Variants in METTL24 observed in about 807,000 individuals in gnomAD.
The protein encoded by METTL24 is methyltransferase like 24.
METTL24 carries 29 observed loss-of-function variants against 32.7 expected under a neutral mutation model. The observed-to-expected ratio is 0.89, with a 90% CI of 0.66 to 1.21. The LOEUF (loss-of-function observed/expected upper bound fraction) is 1.21, where lower values mean the gene tolerates loss of function less well. Ranked by LOEUF, METTL24 falls within the 50% of genes most tolerant of loss-of-function variation. The pLI, the probability that METTL24 is intolerant of heterozygous loss-of-function variation, is 0.00. For synonymous variants in METTL24, 163 were observed against 179.5 expected, an observed-to-expected ratio of 0.91 and a Z score of 0.73; for missense variants, 439 against 468.1, an observed-to-expected ratio of 0.94 and a Z score of 0.57.
At chr6:110,332,961 A>C (rs1772135373) in intron 1 of METTL24, among the ~76,000 whole-genome samples, 1 of 151,874 alleles carries the variant, frequency 6.6e-6, no homozygotes, top group Non-Finnish European at 1.5e-5. Context: ...ATTTAGAAAA[A>C]CACTAACCAT....
At chr6:110,307,005 T>G (rs61196428) in intron 3 of METTL24, among the ~76,000 whole-genome samples, 5,499 of 152,236 alleles carry the variant, frequency 0.036, 325 homozygotes, top group African/African-American at 0.13. Flanking sequence ...AAGTCCGCAG[T>G]GCTGAATAGA....
chr6:110,313,152 T>C (rs1413300913), intron 3 of METTL24, among the ~76,000 whole-genome samples: 2 of 152,226 alleles, frequency 1.3e-5, no homozygotes, highest in Non-Finnish European at 2.9e-5. Context: ...AGTTCTAATA[T>C]TCGAAAGCAG....
At chr6:110,276,782 T>G (rs1398148444) in intron 4 of METTL24, among the ~76,000 whole-genome samples, 1 of 151,716 alleles carries the variant, frequency 6.6e-6, no homozygotes, top group Non-Finnish European at 1.5e-5. Flanking sequence ...AAAATTGCAA[T>G]CACTCAGTAT....
chr6:110,252,681 C>T (rs539510697), intron 4 of METTL24, among the ~76,000 whole-genome samples: 1 of 152,278 alleles, frequency 6.6e-6, no homozygotes, highest in South Asian at 2.1e-4. Context: ...CTGGTTTTAG[C>T]TAGTAAAAGT....
rs1410101582 is a variant in METTL24 at position 110,245,806 on chromosome 6, T to G, written c.*140A>C. ...CCCCATCACATGCCAAGCACTAGGCTGCATGCCCGCAATAACACACTCCCT... is the reference window on the plus strand; with the variant it reads ...CCCCATCACATGCCAAGCACTAGGCGGCATGCCCGCAATAACACACTCCCT... On this transcript the variant is annotated 3_prime_UTR_variant, in exon 5 of 5. Coordinates refer to ENST00000338882, the MANE Select transcript of METTL24 (RefSeq NM_001123364.3). 2 of 779,720 alleles carry G rather than the reference T, an allele frequency of 2.6e-6. No homozygotes were observed. Among genetic ancestry groups the G allele is most frequent in the South Asian group, 3.4e-5 (2 of 58,702 alleles). The allele number at this position is 779,720 out of a possible 1,614,324, so 48.3% of individuals were successfully genotyped here.
intron 4 of METTL24, among the ~76,000 whole-genome samples, chr6:110,255,898 C>T (rs1476128854): frequency 4.0e-5 from 6 of 151,426 alleles, no homozygotes; most frequent in Non-Finnish European, 8.8e-5. Flanking sequence ...ATGCTGGAGC[C>T]AGTAATGTGA....
intron 1 of METTL24, among the ~76,000 whole-genome samples, chr6:110,334,609 G>A (rs1772175743): frequency 6.6e-6 from 1 of 152,182 alleles, no homozygotes; most frequent in East Asian, 1.9e-4. Flanking sequence ...TGGGGGATGG[G>A]GGAGAGCAAA....
chr6:110,322,845 G>C lies in METTL24; in HGVS notation c.346C>G (p.Pro116Ala). ...KGPRWHIDLQ[P>A]WAGSAQSLDE... is the part of the protein sequence containing the mutation. ...AGGGACTGAGCAGAGCCTGCCCAAG[G>C]CTGGAGATCTATATGCCACCGGGGA... Residue 116 changes from proline to alanine, a missense_variant, in exon 2 of 5, where the codon CCT (proline) becomes GCT (alanine). By Grantham distance (27) the Pro-to-Ala change is conservative. Transcript: ENST00000338882. 6.2e-7 allele frequency: 1 copy of C among 1,613,868 alleles called. No individual in the cohort carries two copies. Among genetic ancestry groups the C allele is most frequent in the Non-Finnish European group, 8.5e-7 (1 of 1,179,866 alleles).
At position 110,358,108 on chromosome 6, in the gene METTL24, C is replaced by G. The variant is rs1174483924; in HGVS notation, c.165G>C (p.Gly55=). The change falls in exon 1 of 5, where the codon GGG becomes GGC. Residue 55 remains glycine, a synonymous_variant. Coordinates refer to ENST00000338882, the MANE Select transcript of METTL24 (RefSeq NM_001123364.3). The part of the protein sequence containing the change: ...APPGPAWRPP[G]PHLPPAPGQP... ...GGCCCGGCGCGGGCGGCAGGTGCGG[C>G]CCAGGTGGCCGCCAGGCCGGGCCCG... is the stretch of plus-strand genomic sequence containing the variant. 9.7e-7 allele frequency: 1 copy of G among 1,026,962 alleles called. No homozygotes were observed. The highest frequency in any genetic ancestry group is 1.2e-6 in the Non-Finnish European group (1 of 858,394). 63.6% of individuals were successfully genotyped at this position (1,026,962 alleles called of 1,614,324 possible).
intron 1 of METTL24, among the ~76,000 whole-genome samples, chr6:110,336,522 C>G (rs183704807): frequency 1.1e-4 from 16 of 151,964 alleles, no homozygotes; most frequent in African/African-American, 2.9e-4. Context: ...GGGCGGATCA[C>G]GAGGTCAGGA....
chr6:110,296,440 C>T (rs1170579239), intron 4 of METTL24, among the ~76,000 whole-genome samples: 1 of 152,248 alleles, frequency 6.6e-6, no homozygotes, highest in Non-Finnish European at 1.5e-5. Flanking sequence ...TTCTAATCCA[C>T]ATGGTTTTGC....
chr6:110,312,767 C>T (rs924627570), intron 3 of METTL24, among the ~76,000 whole-genome samples: 2 of 152,086 alleles, frequency 1.3e-5, no homozygotes, highest in Non-Finnish European at 2.9e-5. Context: ...AAAGTGTTAC[C>T]GGTGCAGGGG....
chr6:110,280,053 C>T (rs1771111015), intron 4 of METTL24, among the ~76,000 whole-genome samples: 1 of 152,086 alleles, frequency 6.6e-6, no homozygotes, highest in Non-Finnish European at 1.5e-5. Context: ...GACCAGATCT[C>T]ATGAGAACTC....
chr6:110,298,034 C>T lies in METTL24; in HGVS notation c.786+888G>A, dbSNP rs906416567. Among the ~76,000 whole-genome samples the T allele has an allele frequency of 2.6e-5, 4 of 152,010 alleles. No individual in the cohort carries two copies. The East Asian group carries it at 5.8e-4, about 22-fold the overall frequency. On this transcript the variant is annotated intron_variant, in intron 4 of 4. Transcript: ENST00000338882. Reference sequence around the variant, plus strand: ...AGGAAGAGGGGAGGAGGAGGAGGAACGGCAATGCAGGGAAAAGCTTCTTAC... The same window carrying T: ...AGGAAGAGGGGAGGAGGAGGAGGAATGGCAATGCAGGGAAAAGCTTCTTAC...
chr6:110,314,932 G>A (rs1291962099), intron 3 of METTL24, among the ~76,000 whole-genome samples: 1 of 152,114 alleles, frequency 6.6e-6, no homozygotes, highest in African/African-American at 2.4e-5. Context: ...CCACTGCACT[G>A]CAGCCTGGGC....
At chr6:110,320,575 C>T (rs545133281) in intron 2 of METTL24, among the ~76,000 whole-genome samples, 18 of 152,290 alleles carry the variant, frequency 1.2e-4, no homozygotes, top group African/African-American at 4.3e-4. Context: ...AATTTTACGT[C>T]ATTCTTTCTG....
intron 4 of METTL24, among the ~76,000 whole-genome samples, chr6:110,279,357 C>T (rs1331774617): frequency 6.6e-6 from 1 of 151,966 alleles, no homozygotes; most frequent in Non-Finnish European, 1.5e-5. Context: ...TAGCTAACTT[C>T]GATAAAAGAC....
intron 1 of METTL24, among the ~76,000 whole-genome samples, chr6:110,343,111 G>A (rs779871650): frequency 1.3e-5 from 2 of 149,086 alleles, no homozygotes; most frequent in Non-Finnish European, 2.9e-5. Context: ...GAACCCTAAC[G>A]TTTATGTCAT....
intron 1 of METTL24, among the ~76,000 whole-genome samples, chr6:110,337,443 T>C (rs1174711916): frequency 6.6e-6 from 1 of 151,384 alleles, no homozygotes; most frequent in East Asian, 1.9e-4. Flanking sequence ...AAAAAAAGAG[T>C]GCACAGAATA....
Sources: allele counts gnomAD v4.1 joint callset (sites outside exome capture counted in the v4.1 genomes callset), GRCh38; gene constraint gnomAD v4.1.1; transcripts MANE v1.5; gene names NCBI Gene and HGNC (gene_info 2026-07-23, HGNC 2026-07-21).